The following PLCB1 variants were observed in gnomAD, a reference collection of about 807,000 sequenced individuals.
The protein encoded by PLCB1 is phospholipase C beta 1.
PLCB1 carries 46 observed loss-of-function variants against 161.8 expected under a neutral mutation model. The ratio of observed to expected loss-of-function variants is 0.28; its 90% CI spans 0.22 to 0.36. The LOEUF (loss-of-function observed/expected upper bound fraction) is 0.36, where lower values mean the gene tolerates loss of function less well. Among genes scored for constraint, PLCB1 ranks in the 10% least tolerant of loss-of-function variants. The probability of loss-of-function intolerance (pLI) is 1.00; values close to 1 mark genes in which losing one functional copy is unlikely to be tolerated. For synonymous variants in PLCB1, 517 were observed against 503.7 expected (o/e 1.03, Z -0.35); for missense variants, 1,016 against 1,472.5 (o/e 0.69, Z 5.07).
chr20:8,676,055 G>C (rs1358364876), intron 9 of PLCB1, among the ~76,000 whole-genome samples: 1 of 152,212 alleles, frequency 6.6e-6, no homozygotes, highest in African/African-American at 2.4e-5. Context: ...AGAGTGTGAG[G>C]ATGACACAAA....
chr20:8,880,640 C>T (rs1987937722), intron 31 of PLCB1, among the ~76,000 whole-genome samples: 1 of 152,076 alleles, frequency 6.6e-6, no homozygotes, highest in Non-Finnish European at 1.5e-5. Flanking sequence ...GCTTCCAGGC[C>T]TCTGACTAAA....
intron 3 of PLCB1, among the ~76,000 whole-genome samples, chr20:8,512,414 G>A (rs1469373349): frequency 6.6e-6 from 1 of 152,064 alleles, no homozygotes; most frequent in East Asian, 1.9e-4. Flanking sequence ...TACTTTCTGT[G>A]TATGAGGGAG....
intron 31 of PLCB1, among the ~76,000 whole-genome samples, chr20:8,849,378 G>T (rs1986807977): frequency 6.6e-6 from 1 of 152,098 alleles, no homozygotes; most frequent in Admixed American, 6.5e-5. Context: ...CACTGACAGA[G>T]TTAAGAACCA....
At chr20:8,173,286 G>A (rs2051750877) in intron 2 of PLCB1, among the ~76,000 whole-genome samples, 1 of 152,082 alleles carries the variant, frequency 6.6e-6, no homozygotes, top group Non-Finnish European at 1.5e-5. Context: ...GGCCCATGAA[G>A]CCTATTTGTC....
chr20:8,428,397 T>A lies in PLCB1; in HGVS notation c.246+56947T>A, dbSNP rs528082574. ...CACCACACTCAGCTAATTTTTGAAT[T>A]TTTAGTAGAGATGTGGTTTTGCCAT... On this transcript the variant is annotated intron_variant, in intron 3 of 31. Coordinates refer to ENST00000338037, the MANE Select transcript of PLCB1 (RefSeq NM_015192.4). 2.1e-3 allele frequency among the ~76,000 whole-genome samples: 325 copies of A among 152,174 alleles called. 1 individual carries two copies. The highest frequency in any genetic ancestry group is 7.5e-3 in the African/African-American group (310 of 41,510).
In PLCB1 at chr20:8,774,849, T is replaced by C. The variant is rs1007526881; in HGVS notation, c.3111+130T>C. 49 of 614,868 alleles carry C rather than the reference T, an allele frequency of 8.0e-5. 1 individual carries two copies. The highest frequency in any genetic ancestry group is 1.2e-4 in the Non-Finnish European group (41 of 354,818). The allele number at this position is 614,868 out of a possible 1,614,324, so 38.1% of individuals were successfully genotyped here. On this transcript the variant is annotated intron_variant, in intron 27 of 31. Coordinates refer to ENST00000338037, the MANE Select transcript of PLCB1 (RefSeq NM_015192.4). ...GCACCAACTTGAGAGATTGTTTAGG[T>C]GACACAGTGTCCATCACACTATTGT...
chr20:8,694,776 T>C (rs563637089), intron 10 of PLCB1, among the ~76,000 whole-genome samples: 1 of 152,354 alleles, frequency 6.6e-6, no homozygotes, highest in South Asian at 2.1e-4. Context: ...GTCAGTGATG[T>C]GCGTAAACAA....
At chr20:8,189,261 G>A (rs1364668297) in intron 2 of PLCB1, among the ~76,000 whole-genome samples, 2 of 151,088 alleles carry the variant, frequency 1.3e-5, no homozygotes, top group African/African-American at 4.8e-5. Flanking sequence ...TTGGAGAGTT[G>A]GGGGATGGGT....
At chr20:8,870,282 G>T (rs780430551) in intron 31 of PLCB1, among the ~76,000 whole-genome samples, 39 of 152,180 alleles carry the variant, frequency 2.6e-4, no homozygotes, top group Non-Finnish European at 5.1e-4. Context: ...CTAAATAAAA[G>T]AAAGGATTTG....
chr20:8,833,509 T>C (rs2146281269), intron 31 of PLCB1, among the ~76,000 whole-genome samples: 1 of 152,266 alleles, frequency 6.6e-6, no homozygotes, highest in Middle Eastern at 3.4e-3. Context: ...ATGTATGTCC[T>C]TAAAAGAGTG....
intron 27 of PLCB1, among the ~76,000 whole-genome samples, chr20:8,786,643 C>T (rs1255043281): frequency 6.6e-6 from 1 of 151,752 alleles, no homozygotes; most frequent in Non-Finnish European, 1.5e-5. Flanking sequence ...TAACACCAAC[C>T]GCATAGGGCA....
intron 3 of PLCB1, among the ~76,000 whole-genome samples, chr20:8,448,539 GC>G (rs1980936546): frequency 6.6e-6 from 1 of 152,198 alleles, no homozygotes; most frequent in Admixed American, 6.5e-5. Flanking sequence ...CAAATAGTGT[GC>G]CCAAGATTGT....
At chr20:8,209,147 C>A (rs1443092599) in intron 2 of PLCB1, among the ~76,000 whole-genome samples, 2 of 151,888 alleles carry the variant, frequency 1.3e-5, no homozygotes, top group Admixed American at 6.6e-5. Flanking sequence ...ACCACAGGAA[C>A]TCTGGCTGCT....
At chr20:8,431,878 T>G (rs1451487471) in intron 3 of PLCB1, among the ~76,000 whole-genome samples, 3 of 152,166 alleles carry the variant, frequency 2.0e-5, no homozygotes, top group Non-Finnish European at 4.4e-5. Context: ...ATGCTGTAGA[T>G]TAGGTGGCTT....
intron 3 of PLCB1, among the ~76,000 whole-genome samples, chr20:8,463,351 C>G (rs1408296173): frequency 6.6e-6 from 1 of 151,962 alleles, no homozygotes; most frequent in African/African-American, 2.4e-5. Flanking sequence ...TCTTCCCTAC[C>G]AACATAACCA....
At chr20:8,720,616 T>G (rs550239009) in intron 14 of PLCB1, among the ~76,000 whole-genome samples, 1 of 152,280 alleles carries the variant, frequency 6.6e-6, no homozygotes, top group Non-Finnish European at 1.5e-5. Flanking sequence ...AAGATATTTT[T>G]TATAGTTCAA....
intron 12 of PLCB1, among the ~76,000 whole-genome samples, chr20:8,711,529 AG>A (rs1979016428): frequency 6.6e-6 from 1 of 152,242 alleles, no homozygotes; most frequent in African/African-American, 2.4e-5. Context: ...CAGCCTTTCC[AG>A]GATGCCATGA....
At chr20:8,821,954 C>T (rs1262835754) in intron 31 of PLCB1, among the ~76,000 whole-genome samples, 2 of 152,138 alleles carry the variant, frequency 1.3e-5, no homozygotes, top group African/African-American at 4.8e-5. Flanking sequence ...CACACTGGTA[C>T]CTTTTTCTGC....
chr20:8,636,289 C>T (rs1209725897), intron 4 of PLCB1, among the ~76,000 whole-genome samples: 2 of 152,114 alleles, frequency 1.3e-5, no homozygotes, highest in Non-Finnish European at 2.9e-5. Context: ...AAAAAAAATG[C>T]CTGTGTCATC....
Sources: gnomAD v4.1 joint callset for allele counts (sites outside exome capture counted in the v4.1 genomes callset) on GRCh38, gnomAD v4.1.1 for gene constraint, MANE v1.5 for transcripts, NCBI Gene and HGNC (gene_info 2026-07-23, HGNC 2026-07-21) for gene names.